Variants in AAK1 observed in about 807,000 individuals in gnomAD.
The protein encoded by AAK1 is AP2 associated kinase 1.
A neutral mutation model predicts 116.0 loss-of-function variants in AAK1; 37 were observed. The observed-to-expected ratio is 0.32, with a 90% CI of 0.25 to 0.42. The LOEUF (loss-of-function observed/expected upper bound fraction) is 0.42, where lower values mean the gene tolerates loss of function less well. AAK1 is among the 10% of genes least tolerant of loss of function. The pLI is 1.00. For synonymous variants in AAK1, 458 were observed against 439.9 expected (o/e 1.04, Z -0.51); for missense variants, 919 against 1,170.6 (o/e 0.79, Z 3.14).
At chr2:69,578,185 G>C (rs745687481) in intron 2 of AAK1, among the ~76,000 whole-genome samples, 12 of 152,212 alleles carry the variant, frequency 7.9e-5, no homozygotes, top group African/African-American at 2.9e-4. Flanking sequence ...CACACATCCC[G>C]ATAGGGTTAC....
intron 2 of AAK1, among the ~76,000 whole-genome samples, chr2:69,564,281 ATTACAGAAGGTAC>A (rs1408211235): frequency 6.6e-6 from 1 of 152,164 alleles, no homozygotes; most frequent in Non-Finnish European, 1.5e-5. Context: ...AAGCCCTAGG[ATTACAGAAGGTAC>A]TTCAGTGGCT....
chr2:69,473,141 G>A lies in AAK1; in HGVS notation c.*2728C>T, dbSNP rs113269105. 3.3e-3 allele frequency: 2,673 copies of A among 813,512 alleles called. 55 individuals are homozygous for A. The African/African-American group carries it at 0.046, about 14-fold the overall frequency. 50.4% of individuals were successfully genotyped at this position (813,512 alleles called of 1,614,324 possible). On this transcript the variant is annotated 3_prime_UTR_variant, in exon 22 of 22. Coordinates refer to ENST00000409085, the MANE Select transcript of AAK1 (RefSeq NM_014911.5). The stretch of plus-strand genomic sequence containing the variant: ...AGGAACAGCAACTCTGAGAGGTGAA[G>A]TGCCTGCTGAAGGTCACTCAGCCAG...
chr2:69,506,441 G>A (rs1245157535), intron 15 of AAK1, among the ~76,000 whole-genome samples: 6 of 152,182 alleles, frequency 3.9e-5, no homozygotes, highest in African/African-American at 1.4e-4. Context: ...ATAGCCCACT[G>A]CAGCCTCGAC....
intron 2 of AAK1, among the ~76,000 whole-genome samples, chr2:69,584,606 C>T (rs1050606998): frequency 6.6e-6 from 1 of 152,238 alleles, no homozygotes; most frequent in Middle Eastern, 3.4e-3. Flanking sequence ...TCAAGCTAAA[C>T]GTTACATCAC....
At chr2:69,493,638 C>T (rs1049442901) in intron 17 of AAK1, among the ~76,000 whole-genome samples, 3 of 152,130 alleles carry the variant, frequency 2.0e-5, no homozygotes, top group Non-Finnish European at 4.4e-5. Flanking sequence ...ATGAATAAGA[C>T]AGATGAGGCC....
chr2:69,642,806 A>C, intron 2 of AAK1, 72 bp downstream of exon 2: 1 of 1,600,492 alleles, frequency 6.2e-7, no homozygotes. Context: ...TCATACATGC[A>C]ACAACTAGAA....
chr2:69,622,449 C>T (rs977657583), intron 2 of AAK1, among the ~76,000 whole-genome samples: 4 of 152,250 alleles, frequency 2.6e-5, no homozygotes, highest in Non-Finnish European at 5.9e-5. Flanking sequence ...GACCGGCAAG[C>T]AGCTCCACCT....
chr2:69,489,940 A>G (rs185568456), intron 17 of AAK1, among the ~76,000 whole-genome samples: 6 of 152,304 alleles, frequency 3.9e-5, no homozygotes, highest in Admixed American at 6.5e-5. Flanking sequence ...ACGAGACAGC[A>G]GTTGGAAATG....
intron 2 of AAK1, among the ~76,000 whole-genome samples, chr2:69,640,014 AACACACACACACACACACAC>A (rs376034914): frequency 1.5e-4 from 16 of 103,774 alleles, no homozygotes; most frequent in East Asian, 2.9e-4. Context: ...ACTCCCCTTT[AACACACACACACACACACAC>A]ACACACACAC....
At chr2:69,478,891 G>C (rs1233654347) in intron 20 of AAK1, 60 bp downstream of exon 20, 14 of 1,373,490 alleles carry the variant, frequency 1.0e-5, no homozygotes, top group Non-Finnish European at 1.2e-5. Context: ...ACTTTCAAAA[G>C]TTGTTTAGTT....
intron 2 of AAK1, among the ~76,000 whole-genome samples, chr2:69,592,797 T>C (rs1308082134): frequency 6.6e-6 from 1 of 152,226 alleles, no homozygotes; most frequent in Non-Finnish European, 1.5e-5. Flanking sequence ...CTTCTTCAAA[T>C]TATGAGGCAT....
In AAK1 at chr2:69,620,188, T is replaced by C. The variant is rs117129871; in HGVS notation, c.163+22690A>G. On this transcript the variant is annotated intron_variant, in intron 2 of 21. Transcript: ENST00000409085. ...TTGGACCTTGGCTGTATTGTGAATA[T>C]AGAGCAAACAGGATTTTCTGATAAA... is the stretch of plus-strand genomic sequence containing the variant. 4.5e-4 allele frequency among the ~76,000 whole-genome samples: 69 copies of C among 152,340 alleles called. 1 individual carries two copies. The East Asian group carries it at 0.012, about 26-fold the overall frequency.
In AAK1 at chr2:69,535,062, C is replaced by T. The variant is rs73938006; in HGVS notation, c.535-2900G>A. ...ATGAAATCACTTATTCAGCATCATT[C>T]AGCAACAATCTTCCTCCTCGGCCTC... On this transcript the variant is annotated intron_variant, in intron 5 of 21. Coordinates refer to ENST00000409085, the MANE Select transcript of AAK1 (RefSeq NM_014911.5). Among the ~76,000 whole-genome samples, 385 of 152,344 alleles carry T rather than the reference C, an allele frequency of 2.5e-3. 1 individual carries two copies. Among genetic ancestry groups the T allele is most frequent in the African/African-American group, 8.0e-3 (333 of 41,570 alleles).
intron 17 of AAK1, among the ~76,000 whole-genome samples, chr2:69,490,149 C>T (rs750451259): frequency 1.2e-4 from 18 of 152,142 alleles, no homozygotes; most frequent in Non-Finnish European, 2.2e-4. Context: ...GTCTGTGGAA[C>T]GCCGAGATCA....
intron 13 of AAK1, among the ~76,000 whole-genome samples, 189 bp from the exon 14 acceptor site, chr2:69,509,649 T>C (rs140390529): frequency 6.6e-6 from 1 of 152,316 alleles, no homozygotes; most frequent in African/African-American, 2.4e-5. Flanking sequence ...GCTGCAACTT[T>C]GAGACTGATA....
intron 2 of AAK1, among the ~76,000 whole-genome samples, chr2:69,620,262 C>T (rs1214371742): frequency 6.6e-6 from 1 of 152,136 alleles, no homozygotes; most frequent in African/African-American, 2.4e-5. Context: ...AATGGAATTG[C>T]AATTTTTAAA....
At chr2:69,506,542 T>G (rs1676191233) in intron 15 of AAK1, among the ~76,000 whole-genome samples, 1 of 152,088 alleles carries the variant, frequency 6.6e-6, no homozygotes, top group African/African-American at 2.4e-5. Context: ...TTTTAAAATT[T>G]TTTGTAGAGA....
At chr2:69,596,287 T>C (rs79204474) in intron 2 of AAK1, among the ~76,000 whole-genome samples, 19,331 of 151,248 alleles carry the variant, frequency 0.13, 2,942 homozygotes, top group African/African-American at 0.35. Flanking sequence ...GTGGCGCCAT[T>C]TTGGCTCACT....
At chr2:69,505,821 A>T in intron 15 of AAK1, 148 bp from the exon 16 acceptor site, 1 of 557,916 alleles carries the variant, frequency 1.8e-6, no homozygotes, top group Non-Finnish European at 3.2e-6. Flanking sequence ...GTCCTTGTCT[A>T]GTCATTGCAA....
Sources: gnomAD v4.1 joint callset for allele counts (sites outside exome capture counted in the v4.1 genomes callset) on GRCh38, gnomAD v4.1.1 for gene constraint, MANE v1.5 for transcripts, NCBI Gene and HGNC (gene_info 2026-07-23, HGNC 2026-07-21) for gene names.